RAB38: variants seen among roughly 807,000 people sequenced by gnomAD.
The protein encoded by RAB38 is RAB38, member RAS oncogene family, also known as ras-related protein Rab-38.
In RAB38, 15 loss-of-function variants were observed where a neutral mutation model predicts 18.4. That is an observed-to-expected ratio of 0.82 (90% CI 0.55 to 1.26). The LOEUF (loss-of-function observed/expected upper bound fraction) is 1.26. Among genes scored for constraint, RAB38 ranks in the 50% most tolerant of loss-of-function variants. RAB38 has a pLI of 0.00. For missense variants in RAB38, 294 were observed against 267.4 expected (o/e 1.10, Z -0.69); for synonymous variants, 101 against 104.4 (o/e 0.97, Z 0.20).
the RAB38 span, among the ~76,000 whole-genome samples, chr11:88,104,264 T>G: frequency 2.0e-5 from 3 of 151,928 alleles, no homozygotes; most frequent in Admixed American, 6.6e-5. Context: ...TTAATTGATC[T>G]CCTTTTACTA....
the RAB38 span, among the ~76,000 whole-genome samples, chr11:88,094,585 T>C: frequency 1.3e-5 from 2 of 151,918 alleles, no homozygotes; most frequent in African/African-American, 2.4e-5. Flanking sequence ...TTGTCAAACA[T>C]TATGTGAACT....
At chr11:87,838,073 A>G in the RAB38 span, among the ~76,000 whole-genome samples, 2 of 152,102 alleles carry the variant, frequency 1.3e-5, no homozygotes, top group African/African-American at 2.4e-5. Context: ...GCACTTCCCA[A>G]TAATACAGGA....
chr11:88,120,390 C>A (rs544924852), intron 2 of RAB38, among the ~76,000 whole-genome samples: 1 of 152,136 alleles, frequency 6.6e-6, no homozygotes, highest in South Asian at 2.1e-4. Context: ...TCCAAGCCAA[C>A]GTCTATTTGA....
the RAB38 span, among the ~76,000 whole-genome samples, chr11:87,924,697 ACT>A: frequency 6.6e-6 from 1 of 151,866 alleles, no homozygotes; most frequent in African/African-American, 2.4e-5. Context: ...TGGGATGGTA[ACT>A]CTTTTTTTCC....
chr11:88,035,089 C>T, the RAB38 span, among the ~76,000 whole-genome samples: 1 of 152,112 alleles, frequency 6.6e-6, no homozygotes, highest in Non-Finnish European at 1.5e-5. Context: ...ATGTTGAGGA[C>T]ATTTCTCTTT....
chr11:88,112,839 C>G (rs1202247744), downstream of RAB38, among the ~76,000 whole-genome samples: 1 of 151,698 alleles, frequency 6.6e-6, no homozygotes, highest in Non-Finnish European at 1.5e-5. Flanking sequence ...GAGTGTATTA[C>G]AAATATTAAT....
the RAB38 span, among the ~76,000 whole-genome samples, chr11:87,976,517 AT>A: frequency 1 from 126,003 of 126,092 alleles, 62,957 homozygotes; most frequent in Middle Eastern, 1. Flanking sequence ...ATATATTTAT[AT>A]TTTATATATA....
chr11:88,155,140 C>T (rs985506389), intron 1 of RAB38, among the ~76,000 whole-genome samples: 1 of 152,242 alleles, frequency 6.6e-6, no homozygotes, highest in African/African-American at 2.4e-5. Context: ...GATTCTCCCT[C>T]AGCACAGCTG....
At chr11:87,854,563 G>C in the RAB38 span, among the ~76,000 whole-genome samples, 1 of 151,960 alleles carries the variant, frequency 6.6e-6, no homozygotes, top group East Asian at 1.9e-4. Context: ...TTAACCACAA[G>C]TAAAGACATG....
At chr11:87,953,470 G>GCTTATATTTAAATATAAA in the RAB38 span, among the ~76,000 whole-genome samples, 1 of 152,040 alleles carries the variant, frequency 6.6e-6, no homozygotes, top group East Asian at 1.9e-4. Context: ...TTTAACTGTG[G>GCTTATATTTAAATATAAA]TCTGAAAATA....
the RAB38 span, among the ~76,000 whole-genome samples, chr11:87,916,518 CT>C: frequency 6.6e-6 from 1 of 152,098 alleles, no homozygotes; most frequent in Non-Finnish European, 1.5e-5. Flanking sequence ...CTTTGACCTC[CT>C]CTGCCATGGC....
the RAB38 span, among the ~76,000 whole-genome samples, chr11:87,888,452 T>C: frequency 6.6e-6 from 1 of 151,940 alleles, no homozygotes; most frequent in African/African-American, 2.4e-5. Flanking sequence ...GTTCTATCAC[T>C]CTTTATCTGT....
chr11:88,088,247 A>C, the RAB38 span, among the ~76,000 whole-genome samples: 362 of 152,108 alleles, frequency 2.4e-3, 1 homozygote, highest in African/African-American at 8.1e-3. Flanking sequence ...ATGTCCACCC[A>C]CAGCATCAAT....
chr11:88,054,752 G>A, the RAB38 span, among the ~76,000 whole-genome samples: 2 of 152,150 alleles, frequency 1.3e-5, no homozygotes, highest in East Asian at 1.9e-4. Context: ...AGATATATAC[G>A]GTTTTCACAT....
At chr11:88,157,786 A>C (rs144338863) in intron 1 of RAB38, among the ~76,000 whole-genome samples, 1 of 152,186 alleles carries the variant, frequency 6.6e-6, no homozygotes, top group East Asian at 1.9e-4. Context: ...AATCTTTTAA[A>C]TAAACAAAAA....
the RAB38 span, among the ~76,000 whole-genome samples, chr11:87,906,757 G>GTTTC: frequency 2.0e-5 from 3 of 151,734 alleles, no homozygotes; most frequent in Admixed American, 2.0e-4. Flanking sequence ...ACAAACCTCA[G>GTTTC]TTTCTGTAGC....
chr11:88,131,932 GC>G (rs1942771496), intron 2 of RAB38, among the ~76,000 whole-genome samples: 1 of 152,178 alleles, frequency 6.6e-6, no homozygotes, highest in South Asian at 2.1e-4. Flanking sequence ...ACTCAGATCA[GC>G]CTCTAGGAGC....
chr11:88,020,033 G>C, the RAB38 span, among the ~76,000 whole-genome samples: 3 of 152,192 alleles, frequency 2.0e-5, no homozygotes, highest in Non-Finnish European at 4.4e-5. Flanking sequence ...AAATGGGTTA[G>C]AGAGAGCAGA....
At chr11:88,175,108 C>T (rs1196747089) in intron 1 of RAB38, 75 bp downstream of exon 1, 6 of 1,436,420 alleles carry the variant, frequency 4.2e-6, no homozygotes, top group African/African-American at 1.4e-5. Flanking sequence ...CACGCTTGGC[C>T]GCAAGCCGCT....
Sources: allele counts gnomAD v4.1 joint callset (sites outside exome capture counted in the v4.1 genomes callset), GRCh38; gene constraint gnomAD v4.1.1; transcripts MANE v1.5; gene names NCBI Gene and HGNC (gene_info 2026-07-23, HGNC 2026-07-21).